CDIN1: variants seen among roughly 807,000 people sequenced by gnomAD.
The protein encoded by CDIN1 is CDAN1-interacting nuclease 1.
Under a neutral mutation model 45.3 loss-of-function variants are expected in CDIN1, and 33 were observed. That is an observed-to-expected ratio of 0.73 (90% CI 0.55 to 0.97). The LOEUF is 0.97. Among genes scored for constraint, CDIN1 ranks in the 50% least tolerant of loss-of-function variants. The probability of loss-of-function intolerance (pLI) is 0.00; values close to 1 mark genes in which losing one functional copy is unlikely to be tolerated. For synonymous variants in CDIN1, 118 were observed against 124.4 expected (o/e 0.95, Z 0.34); for missense variants, 303 against 339.4 (o/e 0.89, Z 0.84).
chr15:36,751,227 TTTTATATATATATATA>T (rs1050408984), intron 10 of CDIN1, among the ~76,000 whole-genome samples: 1 of 34,396 alleles, frequency 2.9e-5, no homozygotes, highest in African/African-American at 1.5e-4. Context: ...TATATGCTTA[TTTTATATATATATATA>T]TATATATATA....
At chr15:36,630,481 G>T (rs911534246) in intron 1 of CDIN1, among the ~76,000 whole-genome samples, 2 of 152,186 alleles carry the variant, frequency 1.3e-5, no homozygotes, top group African/African-American at 4.8e-5. Context: ...AATATTAAGT[G>T]ATTTTTCCAA....
chr15:36,623,313 T>G (rs539959048), intron 1 of CDIN1, among the ~76,000 whole-genome samples: 4 of 152,350 alleles, frequency 2.6e-5, no homozygotes, highest in East Asian at 1.9e-4. Context: ...TTAAACAATT[T>G]TGCCTTCTCT....
intron 10 of CDIN1, among the ~76,000 whole-genome samples, chr15:36,776,238 G>A (rs781631045): frequency 6.6e-6 from 1 of 152,162 alleles, no homozygotes; most frequent in Non-Finnish European, 1.5e-5. Flanking sequence ...CACAGATTTA[G>A]GATATGTCAG....
intron 5 of CDIN1, among the ~76,000 whole-genome samples, chr15:36,658,624 C>A (rs2140471083): frequency 6.6e-6 from 1 of 152,294 alleles, no homozygotes; most frequent in East Asian, 1.9e-4. Flanking sequence ...ACAATTTCAT[C>A]TTCTGCATTT....
At chr15:36,794,300 T>C (rs1206493293) in intron 10 of CDIN1, among the ~76,000 whole-genome samples, 1 of 152,086 alleles carries the variant, frequency 6.6e-6, no homozygotes, top group Admixed American at 6.6e-5. Context: ...CTTCGTGATC[T>C]ACCCACCTCA....
At chr15:36,627,219 G>T (rs2018303) in intron 1 of CDIN1, 178,969 of 179,840 alleles carry the variant, frequency 1, 89,058 homozygotes, top group Middle Eastern at 1. Flanking sequence ...TCGAAGCCTG[G>T]GTAGTGACCT....
chr15:36,709,777 A>AT, intron 9 of CDIN1, 79 bp from the exon 10 acceptor site: 1 of 1,058,860 alleles, frequency 9.4e-7, no homozygotes, highest in South Asian at 1.3e-5. Flanking sequence ...AATGTGAAGC[A>AT]TAGAGAGGCC....
chr15:36,649,677 C>T (rs2140431296), intron 3 of CDIN1, among the ~76,000 whole-genome samples: 1 of 152,290 alleles, frequency 6.6e-6, no homozygotes, highest in Non-Finnish European at 1.5e-5. Flanking sequence ...GCTTGGAACA[C>T]CTTCTGCTTC....
intron 1 of CDIN1, among the ~76,000 whole-genome samples, chr15:36,599,819 A>G (rs982513035): frequency 5.9e-5 from 9 of 152,224 alleles, no homozygotes; most frequent in Non-Finnish European, 1.0e-4. Context: ...TTGGGGAGTC[A>G]TCTGTCAGCC....
At chr15:36,592,579 A>G (rs888165056) in intron 1 of CDIN1, among the ~76,000 whole-genome samples, 1 of 152,094 alleles carries the variant, frequency 6.6e-6, no homozygotes, top group Admixed American at 6.6e-5. Context: ...GTTCATTCTT[A>G]TAAGATTTTT....
intron 1 of CDIN1, chr15:36,641,614 T>G (rs2040110965): frequency 6.6e-6 from 1 of 152,230 alleles, no homozygotes; most frequent in Non-Finnish European, 1.5e-5. Flanking sequence ...ATTATGTAAA[T>G]TTAAAACCCC....
At chr15:36,593,401 G>T (rs1278467885) in intron 1 of CDIN1, among the ~76,000 whole-genome samples, 1 of 152,132 alleles carries the variant, frequency 6.6e-6, no homozygotes, top group Non-Finnish European at 1.5e-5. Flanking sequence ...TTCTCTATCA[G>T]GTAGTAGCTT....
At chr15:36,745,463 G>A (rs1484843842) in intron 10 of CDIN1, among the ~76,000 whole-genome samples, 2 of 152,136 alleles carry the variant, frequency 1.3e-5, no homozygotes, top group Admixed American at 1.3e-4. Context: ...CCAAAAATAT[G>A]CATGGTTCAC....
intron 5 of CDIN1, among the ~76,000 whole-genome samples, chr15:36,667,750 A>G (rs2041305048): frequency 6.6e-6 from 1 of 152,122 alleles, no homozygotes; most frequent in African/African-American, 2.4e-5. Context: ...TATAGCTCTT[A>G]TTTTAGTTGT....
At chr15:36,643,286 CA>C (rs373448880) in intron 1 of CDIN1, among the ~76,000 whole-genome samples, 109 of 152,120 alleles carry the variant, frequency 7.2e-4, no homozygotes, top group African/African-American at 2.5e-3. Context: ...GACACCTAGA[CA>C]ATGAGTAAAC....
At chr15:36,643,519 AAGAGTAGC>A (rs1241516447) in intron 1 of CDIN1, among the ~76,000 whole-genome samples, 3 of 152,254 alleles carry the variant, frequency 2.0e-5, no homozygotes, top group Non-Finnish European at 2.9e-5. Context: ...GACAGTCGAA[AAGAGTAGC>A]AGTGGGGTAT....
At chr15:36,771,173 T>C (rs565600720) in intron 10 of CDIN1, among the ~76,000 whole-genome samples, 61 of 152,266 alleles carry the variant, frequency 4.0e-4, no homozygotes, top group African/African-American at 1.4e-3. Context: ...TTATATTTTA[T>C]ATTTCTTATT....
At chr15:36,696,592 G>T (rs886404298) in intron 7 of CDIN1, 1 of 152,156 alleles carries the variant, frequency 6.6e-6, no homozygotes, top group Non-Finnish European at 1.5e-5. Context: ...AATTTTTTTA[G>T]AATTTTTTTT....
chr15:36,777,242 C>T (rs149802712), intron 10 of CDIN1, among the ~76,000 whole-genome samples: 14 of 151,944 alleles, frequency 9.2e-5, no homozygotes, highest in Non-Finnish European at 1.5e-4. Flanking sequence ...TAATTAGTGA[C>T]GGGAGAAAAA....
Sources: allele counts gnomAD v4.1 joint callset (sites outside exome capture counted in the v4.1 genomes callset), GRCh38; gene constraint gnomAD v4.1.1; transcripts MANE v1.5; gene names NCBI Gene and HGNC (gene_info 2026-07-23, HGNC 2026-07-21).